NELL1: variants seen among roughly 807,000 people sequenced by gnomAD.
The protein encoded by NELL1 is protein kinase C-binding protein NELL1.
Under a neutral mutation model 107.4 loss-of-function variants are expected in NELL1, and 76 were observed. The ratio of observed to expected loss-of-function variants is 0.71; its 90% CI spans 0.59 to 0.86. NELL1 has a LOEUF of 0.86. Ranked by LOEUF, NELL1 falls within the 40% of genes least tolerant of loss-of-function variation. The pLI, the probability that NELL1 is intolerant of heterozygous loss-of-function variation, is 0.00. For missense variants in NELL1, 1,024 were observed against 1,005.5 expected, an observed-to-expected ratio of 1.02 and a Z score of -0.25; for synonymous variants, 353 against 341.2, an observed-to-expected ratio of 1.03 and a Z score of -0.38.
At chr11:20,862,777 G>A (rs991263170) in intron 4 of NELL1, among the ~76,000 whole-genome samples, 2 of 151,992 alleles carry the variant, frequency 1.3e-5, no homozygotes, top group African/African-American at 4.8e-5. Context: ...GTGTCCCTGC[G>A]TACTTGAGAT....
chr11:21,510,796 T>C (rs1855416364), intron 15 of NELL1, among the ~76,000 whole-genome samples: 1 of 152,218 alleles, frequency 6.6e-6, no homozygotes, highest in Non-Finnish European at 1.5e-5. Context: ...ACCCATCCTC[T>C]TCCTTAGTGG....
intron 13 of NELL1, among the ~76,000 whole-genome samples, chr11:21,227,437 A>G (rs1857923709): frequency 6.6e-6 from 1 of 152,190 alleles, no homozygotes; most frequent in South Asian, 2.1e-4. Context: ...TAAAACGTTC[A>G]GGCTAGCAAA....
intron 15 of NELL1, among the ~76,000 whole-genome samples, chr11:21,523,924 C>CGTATAT (rs1218338939): frequency 1.3e-5 from 2 of 151,754 alleles, no homozygotes; most frequent in African/African-American, 4.8e-5. Context: ...TATATACATA[C>CGTATAT]GTATATGTAT....
intron 14 of NELL1, among the ~76,000 whole-genome samples, chr11:21,231,940 T>C (rs992354422): frequency 2.0e-5 from 3 of 151,990 alleles, no homozygotes; most frequent in Non-Finnish European, 4.4e-5. Context: ...ACACCTTCTT[T>C]CACTACTGGT....
At position 21,022,363 on chromosome 11, in the gene NELL1, T is replaced by C. The variant is rs533215337; in HGVS notation, c.1300+61803T>C. On this transcript the variant is annotated intron_variant, in intron 12 of 19. Coordinates refer to ENST00000357134, the MANE Select transcript of NELL1 (RefSeq NM_006157.5). Reference sequence around the variant, plus strand: ...CTACTGATTCTAATGGTAAATTGTATAGGTACTCTAGTTTTGGGGGAGATG... The same window carrying C: ...CTACTGATTCTAATGGTAAATTGTACAGGTACTCTAGTTTTGGGGGAGATG... Among the ~76,000 whole-genome samples the C allele has an allele frequency of 3.9e-5, 6 of 152,220 alleles. No homozygotes were observed. In the East Asian group the frequency reaches 1.2e-3, roughly 30 times the overall value.
chr11:21,542,583 T>C (rs1258606401), intron 16 of NELL1, among the ~76,000 whole-genome samples: 1 of 152,016 alleles, frequency 6.6e-6, no homozygotes, highest in Non-Finnish European at 1.5e-5. Flanking sequence ...TGACAGTTAA[T>C]GTGAAAGCAC....
intron 3 of NELL1, among the ~76,000 whole-genome samples, chr11:20,826,387 C>T (rs1857884617): frequency 1.3e-5 from 2 of 151,336 alleles, no homozygotes; most frequent in Admixed American, 6.6e-5. Flanking sequence ...ATTACTTTCA[C>T]TCATGTCCCA....
intron 12 of NELL1, among the ~76,000 whole-genome samples, chr11:21,069,514 G>A (rs1428589128): frequency 6.6e-6 from 1 of 152,152 alleles, no homozygotes; most frequent in Non-Finnish European, 1.5e-5. Context: ...AGGAGGAATG[G>A]AAGGGAAGCA....
At chr11:21,336,674 T>TATATATATATATACACAC (rs55720144) in intron 14 of NELL1, among the ~76,000 whole-genome samples, 1 of 130,524 alleles carries the variant, frequency 7.7e-6, no homozygotes, top group Admixed American at 8.1e-5. Flanking sequence ...TATATATATA[T>TATATATATATATACACAC]ACACACACAC....
At chr11:20,911,409 A>C (rs766742615) in intron 5 of NELL1, among the ~76,000 whole-genome samples, 2 of 152,218 alleles carry the variant, frequency 1.3e-5, no homozygotes, top group Non-Finnish European at 2.9e-5. Flanking sequence ...AGATTAAGTA[A>C]GTTGCCAACC....
At chr11:20,849,987 G>A (rs1425857799) in intron 4 of NELL1, among the ~76,000 whole-genome samples, 1 of 152,182 alleles carries the variant, frequency 6.6e-6, no homozygotes, top group Non-Finnish European at 1.5e-5. Flanking sequence ...TTGGTGAATG[G>A]ACTGGCATTT....
chr11:20,937,475 T>C (rs1175426507), intron 9 of NELL1, among the ~76,000 whole-genome samples: 4 of 152,250 alleles, frequency 2.6e-5, no homozygotes, highest in East Asian at 1.9e-4. Context: ...CCACAGCGAT[T>C]GCCACCAGTT....
intron 15 of NELL1, among the ~76,000 whole-genome samples, chr11:21,487,119 A>G (rs1854653812): frequency 6.6e-6 from 1 of 152,194 alleles, no homozygotes; most frequent in African/African-American, 2.4e-5. Flanking sequence ...AAGATCAAAG[A>G]TCACCAAACT....
intron 13 of NELL1, among the ~76,000 whole-genome samples, chr11:21,217,481 C>T (rs1857644232): frequency 6.6e-6 from 1 of 151,966 alleles, no homozygotes; most frequent in Non-Finnish European, 1.5e-5. Flanking sequence ...TAAAAAATTA[C>T]CTACACTGTG....
intron 5 of NELL1, 34 bp downstream of exon 5, chr11:20,885,574 A>C: frequency 1.6e-6 from 2 of 1,243,938 alleles, no homozygotes; most frequent in Non-Finnish European, 1.2e-6. Flanking sequence ...TGAAGTATAT[A>C]TATAGGCGAT....
chr11:21,160,051 C>T (rs530917476), intron 13 of NELL1, among the ~76,000 whole-genome samples: 1 of 152,218 alleles, frequency 6.6e-6, no homozygotes. Flanking sequence ...ACTCAAAGAG[C>T]AACCACATTT....
chr11:21,496,303 T>C (rs951831348), intron 15 of NELL1, among the ~76,000 whole-genome samples: 3 of 151,944 alleles, frequency 2.0e-5, no homozygotes, highest in Non-Finnish European at 2.9e-5. Context: ...CTTTTTCTAT[T>C]TCTTGTTTAA....
chr11:20,772,534 T>C (rs1468323317), intron 2 of NELL1, among the ~76,000 whole-genome samples: 1 of 152,226 alleles, frequency 6.6e-6, no homozygotes, highest in African/African-American at 2.4e-5. Context: ...AAGTCCTGAC[T>C]TTAATGTCTA....
chr11:21,005,981 C>G (rs1835648577), intron 12 of NELL1, among the ~76,000 whole-genome samples: 1 of 151,900 alleles, frequency 6.6e-6, no homozygotes, highest in African/African-American at 2.4e-5. Context: ...CACTTCATCT[C>G]CTTTAATCAC....
Sources: allele counts gnomAD v4.1 joint callset (sites outside exome capture counted in the v4.1 genomes callset), GRCh38; gene constraint gnomAD v4.1.1; transcripts MANE v1.5; gene names NCBI Gene and HGNC (gene_info 2026-07-23, HGNC 2026-07-21).